Variants in SLC25A13 observed in about 807,000 individuals in gnomAD.
The protein encoded by SLC25A13 is solute carrier family 25 member 13.
In SLC25A13, 70 loss-of-function variants were observed where a neutral mutation model predicts 85.5. That is an observed-to-expected ratio of 0.82 (90% CI 0.68 to 1.00). The LOEUF (loss-of-function observed/expected upper bound fraction) is 1.00. SLC25A13 is among the 50% of genes least tolerant of loss of function. The pLI is 0.00. For synonymous variants in SLC25A13, 259 were observed against 288.7 expected (o/e 0.90, Z 1.04); for missense variants, 765 against 819.8 (o/e 0.93, Z 0.82).
intron 14 of SLC25A13, among the ~76,000 whole-genome samples, chr7:96,135,762 C>T: frequency 6.6e-6 from 1 of 151,530 alleles, no homozygotes; most frequent in East Asian, 1.9e-4. Context: ...TTACTTTGGC[C>T]ATTTGAGAAT....
intron 11 of SLC25A13, among the ~76,000 whole-genome samples, chr7:96,177,376 T>G (rs1271267249): frequency 1.3e-5 from 2 of 152,242 alleles, no homozygotes; most frequent in Admixed American, 6.5e-5. Flanking sequence ...AGTTAAAAAC[T>G]TAAATGATCC....
At chr7:96,182,092 C>A (rs973243663) in intron 11 of SLC25A13, among the ~76,000 whole-genome samples, 1 of 152,076 alleles carries the variant, frequency 6.6e-6, no homozygotes, top group Non-Finnish European at 1.5e-5. Flanking sequence ...TAAGCACTTA[C>A]AAATATGCAG....
intron 15 of SLC25A13, among the ~76,000 whole-genome samples, chr7:96,125,424 G>C (rs1184377963): frequency 6.6e-6 from 1 of 152,200 alleles, no homozygotes; most frequent in South Asian, 2.1e-4. Flanking sequence ...TTCAGAGAAG[G>C]TCTGTGGGGA....
chr7:96,132,634 TATG>T (rs1306419931), intron 14 of SLC25A13, among the ~76,000 whole-genome samples: 2 of 152,170 alleles, frequency 1.3e-5, no homozygotes, highest in South Asian at 2.1e-4. Flanking sequence ...TATGATATAT[TATG>T]ATGAAAACCA....
rs1794918929 is a variant in SLC25A13 at position 96,193,040 on chromosome 7, T to TACTAG, written c.607_611dup (p.Ala205Ter). On this transcript the variant is annotated stop_gained and frameshift_variant, in exon 6 of 18. Transcript: ENST00000265631. LOFTEE classifies it high-confidence loss of function. The stretch of plus-strand genomic sequence containing the variant: ...ATTAGGGCAAGTTACAACTTACAGC[T>TACTAG]ACTAGACATTCTTCTACAAAAGGAG... 1 of 1,614,088 alleles carries TACTAG rather than the reference T, an allele frequency of 6.2e-7. No homozygotes were observed. Among genetic ancestry groups the TACTAG allele is most frequent in the Non-Finnish European group, 8.5e-7 (1 of 1,179,994 alleles).
intron 1 of SLC25A13, among the ~76,000 whole-genome samples, chr7:96,299,619 C>A (rs1490565819): frequency 6.6e-6 from 1 of 152,128 alleles, no homozygotes; most frequent in African/African-American, 2.4e-5. Flanking sequence ...TCCTACAGAC[C>A]CACATTACAG....
At chr7:96,194,129 T>G (rs1310434667) in intron 5 of SLC25A13, among the ~76,000 whole-genome samples, 1 of 151,872 alleles carries the variant, frequency 6.6e-6, no homozygotes, top group Non-Finnish European at 1.5e-5. Context: ...ACAGCTAACT[T>G]CTATGCAATT....
At chr7:96,286,081 G>A (rs528271625) in intron 2 of SLC25A13, among the ~76,000 whole-genome samples, 5 of 152,026 alleles carry the variant, frequency 3.3e-5, no homozygotes, top group East Asian at 3.9e-4. Flanking sequence ...TCAGGAGATC[G>A]AGACCATCCT....
At chr7:96,143,933 G>A (rs987638792) in intron 14 of SLC25A13, among the ~76,000 whole-genome samples, 1 of 152,148 alleles carries the variant, frequency 6.6e-6, no homozygotes, top group East Asian at 1.9e-4. Context: ...TAGGACAGTG[G>A]TTCTTCTTTT....
At chr7:96,320,254 G>A (rs560437199) in intron 1 of SLC25A13, among the ~76,000 whole-genome samples, 122 of 152,196 alleles carry the variant, frequency 8.0e-4, no homozygotes, top group Non-Finnish European at 1.3e-3. Context: ...TGACCCGCCC[G>A]CCCCAGCCTC....
intron 2 of SLC25A13, among the ~76,000 whole-genome samples, chr7:96,290,834 A>G (rs1799090521): frequency 6.6e-6 from 1 of 152,200 alleles, no homozygotes; most frequent in Non-Finnish European, 1.5e-5. Context: ...ATAATGGGAG[A>G]CTTTAACACC....
At chr7:96,224,359 A>G (rs1313674639) in intron 4 of SLC25A13, among the ~76,000 whole-genome samples, 3 of 152,176 alleles carry the variant, frequency 2.0e-5, no homozygotes, top group Non-Finnish European at 4.4e-5. Flanking sequence ...CTCATATGAA[A>G]TAATTACTCT....
At chr7:96,182,681 T>C (rs1317563483) in intron 11 of SLC25A13, among the ~76,000 whole-genome samples, 4 of 152,150 alleles carry the variant, frequency 2.6e-5, no homozygotes, top group African/African-American at 9.7e-5. Context: ...CAGTACAGGT[T>C]GCAAAAGGGA....
chr7:96,166,759 T>C (rs1397286328), intron 13 of SLC25A13, among the ~76,000 whole-genome samples: 1 of 152,182 alleles, frequency 6.6e-6, no homozygotes, highest in African/African-American at 2.4e-5. Context: ...TCAGAATCAT[T>C]GGGAACCTAA....
chr7:96,277,118 T>C, intron 3 of SLC25A13, 78 bp downstream of exon 3: 1 of 1,425,826 alleles, frequency 7.0e-7, no homozygotes, highest in Non-Finnish European at 9.4e-7. Context: ...ATACATTTAA[T>C]GACTTCCTGG....
At chr7:96,147,079 ACGTATCCAAATGAGGAGACACAGAAC>A (rs1244047893) in intron 13 of SLC25A13, among the ~76,000 whole-genome samples, 2 of 45,372 alleles carry the variant, frequency 4.4e-5, no homozygotes, top group Admixed American at 3.9e-4. Flanking sequence ...GAGACACAGA[ACGTATCCAAATGAGGAGACACAGAAC>A]GTATCCAAAT....
At chr7:96,160,632 G>A (rs1391314249) in intron 13 of SLC25A13, among the ~76,000 whole-genome samples, 1 of 152,218 alleles carries the variant, frequency 6.6e-6, no homozygotes, top group East Asian at 1.9e-4. Context: ...ATCTCAAACT[G>A]TAGGCTCCAC....
chr7:96,190,600 GTTTATTTA>G (rs201370685), intron 7 of SLC25A13, among the ~76,000 whole-genome samples: 3 of 151,680 alleles, frequency 2.0e-5, no homozygotes, highest in African/African-American at 7.3e-5. Context: ...GGTGTCTTCA[GTTTATTTA>G]TTTATTTATT....
intron 3 of SLC25A13, among the ~76,000 whole-genome samples, chr7:96,272,287 T>G (rs1798270250): frequency 6.6e-6 from 1 of 152,196 alleles, no homozygotes; most frequent in African/African-American, 2.4e-5. Flanking sequence ...TTAATGTATG[T>G]AGCAACCAAA....
Sources: gnomAD v4.1 joint callset for allele counts (sites outside exome capture counted in the v4.1 genomes callset) on GRCh38, gnomAD v4.1.1 for gene constraint, MANE v1.5 for transcripts, NCBI Gene and HGNC (gene_info 2026-07-23, HGNC 2026-07-21) for gene names.